The following DCT variants were observed in gnomAD, a reference collection of about 807,000 sequenced individuals.
DCT encodes dopachrome tautomerase.
A neutral mutation model predicts 53.0 loss-of-function variants in DCT; 47 were observed. The observed-to-expected ratio is 0.89, with a 90% confidence interval of 0.70 to 1.13. The LOEUF is 1.13. DCT is among the 50% of genes most tolerant of loss of function. The pLI is 0.00. For missense variants in DCT, 669 were observed against 637.4 expected (o/e 1.05, Z -0.53); for synonymous variants, 244 against 237.0 (o/e 1.03, Z -0.27).
At chr13:94,440,150 C>A (rs903241872) in intron 7 of DCT, 74 bp from the exon 8 acceptor site, 63 of 1,290,878 alleles carry the variant, frequency 4.9e-5, no homozygotes, top group Non-Finnish European at 6.7e-5. Context: ...AAAGAGCAAG[C>A]GCACTTGCCT....
At chr13:94,538,378 G>C in the DCT span, among the ~76,000 whole-genome samples, 1 of 152,188 alleles carries the variant, frequency 6.6e-6, no homozygotes, top group African/African-American at 2.4e-5. Flanking sequence ...ACACAGGCAG[G>C]GGGTGAGCCT....
Position 94,439,646 on chromosome 13 carries a change from A to T in DCT, c.*252T>A. On this transcript the variant is annotated 3_prime_UTR_variant, in exon 8 of 8. Coordinates refer to ENST00000377028, the MANE Select transcript of DCT (RefSeq NM_001922.5). The stretch of plus-strand genomic sequence containing the variant: ...ATATTGGGGGGGGGGTTATTATTAG[A>T]TATCACAAATTGTCAGGTCTATCTT... 1 of 294,558 alleles carries T rather than the reference A, an allele frequency of 3.4e-6. No homozygotes were observed. 18.2% of individuals were successfully genotyped at this position (294,558 alleles called of 1,614,324 possible).
At chr13:94,461,978 C>G in intron 5 of DCT, 32 bp downstream of exon 5, 1 of 1,594,126 alleles carries the variant, frequency 6.3e-7, no homozygotes, top group Non-Finnish European at 8.6e-7. Context: ...CTGTACTGTA[C>G]AGGCAGGTCC....
chr13:94,464,109 C>A (rs1336651749), intron 4 of DCT, among the ~76,000 whole-genome samples: 4 of 152,214 alleles, frequency 2.6e-5, no homozygotes, highest in African/African-American at 9.6e-5. Context: ...TAAGCTCAGT[C>A]ACAGAAAAAG....
chr13:94,460,093 C>CA lies in DCT; in HGVS notation c.1176dup (p.Val393CysfsTer8). 1 of 1,613,710 alleles carries CA rather than the reference C, an allele frequency of 6.2e-7. No homozygotes were observed. The highest frequency in any genetic ancestry group is 8.5e-7 in the Non-Finnish European group (1 of 1,179,920). ...GCATTCTGAATCTTTGAACATACCA[C>CA]AAAAATGGGATCATTGGCGGCTGAA... On this transcript the variant is annotated frameshift_variant, in exon 6 of 8. Coordinates refer to ENST00000377028, the MANE Select transcript of DCT (RefSeq NM_001922.5). LOFTEE classifies it high-confidence loss of function.
At chr13:94,491,443 A>G in the DCT span, among the ~76,000 whole-genome samples, 124 of 152,296 alleles carry the variant, frequency 8.1e-4, no homozygotes, top group African/African-American at 2.9e-3. Flanking sequence ...CATCTTAATT[A>G]ATTATTACCT....
At chr13:94,460,317 T>A in intron 5 of DCT, 91 bp from the exon 6 acceptor site, 2 of 1,245,916 alleles carry the variant, frequency 1.6e-6, no homozygotes, top group Non-Finnish European at 2.3e-6. Context: ...GTTGTCTAAT[T>A]TGAGATTGGG....
the DCT span, among the ~76,000 whole-genome samples, chr13:94,515,626 T>G: frequency 1.3e-5 from 2 of 152,172 alleles, no homozygotes; most frequent in South Asian, 4.1e-4. Flanking sequence ...AAGAAGGGCT[T>G]GGAGTGGTTT....
the DCT span, among the ~76,000 whole-genome samples, chr13:94,515,413 T>C: frequency 4.7e-3 from 714 of 152,118 alleles, 4 homozygotes; most frequent in Middle Eastern, 0.014. Context: ...TACAAAAGAA[T>C]ACACAGAATT....
the DCT span, among the ~76,000 whole-genome samples, chr13:94,544,727 C>G: frequency 6.6e-6 from 1 of 152,082 alleles, no homozygotes; most frequent in Non-Finnish European, 1.5e-5. Flanking sequence ...TATTTCTGGC[C>G]AAGGACTCAA....
the DCT span, among the ~76,000 whole-genome samples, chr13:94,508,175 A>C: frequency 6.6e-6 from 1 of 152,252 alleles, no homozygotes; most frequent in Non-Finnish European, 1.5e-5. Flanking sequence ...ATTGTTTGTC[A>C]TAATAACTAA....
chr13:94,473,516 CT>C (rs1884884484), intron 1 of DCT, among the ~76,000 whole-genome samples: 1 of 152,098 alleles, frequency 6.6e-6, no homozygotes, highest in South Asian at 2.1e-4. Flanking sequence ...GCAATAATAC[CT>C]TAGTCTAGTG....
intron 4 of DCT, among the ~76,000 whole-genome samples, chr13:94,465,074 T>C (rs937002872): frequency 2.6e-5 from 4 of 152,214 alleles, no homozygotes; most frequent in Non-Finnish European, 4.4e-5. Context: ...TCTCTGCCTC[T>C]TGGGGACTTG....
chr13:94,443,993 T>C lies in DCT; in HGVS notation c.1180-356A>G, dbSNP rs555385228. ...GAACATTTGAGGCCTTCAACATATA[T>C]GTGTTAATTATGAAATTCAGAAAAA... On this transcript the variant is annotated intron_variant, in intron 6 of 7. Transcript: ENST00000377028. Among the ~76,000 whole-genome samples the C allele has an allele frequency of 3.9e-5, 6 of 152,336 alleles. No homozygotes were observed. The South Asian group carries it at 1.0e-3, about 26-fold the overall frequency.
At chr13:94,521,272 C>G in the DCT span, among the ~76,000 whole-genome samples, 2 of 152,204 alleles carry the variant, frequency 1.3e-5, no homozygotes, top group Non-Finnish European at 2.9e-5. Flanking sequence ...AGCTCAGTAC[C>G]TGGCACTTCA....
chr13:94,502,819 G>A, the DCT span, among the ~76,000 whole-genome samples: 1 of 152,022 alleles, frequency 6.6e-6, no homozygotes, highest in Non-Finnish European at 1.5e-5. Context: ...TGTATCTCCA[G>A]ACCACATCTG....
the DCT span, among the ~76,000 whole-genome samples, chr13:94,543,056 G>C: frequency 6.6e-6 from 1 of 152,086 alleles, no homozygotes; most frequent in Non-Finnish European, 1.5e-5. Context: ...TTATTAAGGG[G>C]CCTCTAACCG....
chr13:94,548,870 C>G, the DCT span, among the ~76,000 whole-genome samples: 2 of 152,190 alleles, frequency 1.3e-5, no homozygotes, highest in African/African-American at 4.8e-5. Context: ...CGTCTAGACC[C>G]GTGGCTTGTT....
chr13:94,531,401 C>T, the DCT span, among the ~76,000 whole-genome samples: 10 of 152,122 alleles, frequency 6.6e-5, no homozygotes, highest in African/African-American at 2.4e-4. Context: ...TACTACAAGG[C>T]TACAGTAACC....
Sources: allele counts gnomAD v4.1 joint callset (sites outside exome capture counted in the v4.1 genomes callset), GRCh38; gene constraint gnomAD v4.1.1; transcripts MANE v1.5; gene names NCBI Gene and HGNC (gene_info 2026-07-23, HGNC 2026-07-21).